Variants in PSPC1 observed in about 807,000 individuals in gnomAD.
PSPC1 encodes the protein paraspeckle component 1, also known as paraspeckle protein 1.
Under a neutral mutation model 51.6 loss-of-function variants are expected in PSPC1, and 14 were observed. The ratio of observed to expected loss-of-function variants is 0.27; its 90% CI spans 0.18 to 0.42. PSPC1 has a LOEUF of 0.42. Ranked by LOEUF, PSPC1 falls within the 10% of genes least tolerant of loss-of-function variation. PSPC1 has a pLI of 1.00. For synonymous variants in PSPC1, 193 were observed against 231.9 expected (o/e 0.83, Z 1.53); for missense variants, 406 against 701.1 (o/e 0.58, Z 4.75).
Position 19,782,624 on chromosome 13 carries a change from G to A in PSPC1, c.134C>T (p.Pro45Leu), listed in dbSNP as rs1164825884. The change falls in exon 1 of 9, where the codon CCG (proline) becomes CTG (leucine). Residue 45 changes from proline to leucine, a missense_variant. Around this residue, in one of 5 missense-constraint regions of PSPC1, gnomAD observed 128 missense variants for 107.1 expected, o/e 1.20. Coordinates refer to ENST00000338910, the MANE Select transcript of PSPC1 (RefSeq NM_001354909.2). The surrounding 1 kb of genome is among the most constrained non-coding windows in gnomAD (Gnocchi z 4.5). ...AAMALALAGE[P>L]APPAPAPPED... ...TGGAGGCGCGGGCGCGGGCGGTGCC[G>A]GCTCCCCGGCAAGAGCGAGCGCCAT... 17 of 1,574,802 alleles carry A rather than the reference G, an allele frequency of 1.1e-5. No homozygotes were observed. The highest frequency in any genetic ancestry group is 1.9e-5 in the Admixed American group (1 of 53,780).
chr13:19,754,348 A>T (rs1886861548), intron 3 of PSPC1, among the ~76,000 whole-genome samples: 1 of 151,758 alleles, frequency 6.6e-6, no homozygotes, highest in Non-Finnish European at 1.5e-5. Context: ...GGCCTCCCAA[A>T]GTGCAGGGAT....
At chr13:19,715,581 T>G (rs1460036758) in intron 6 of PSPC1, among the ~76,000 whole-genome samples, 1 of 152,160 alleles carries the variant, frequency 6.6e-6, no homozygotes, top group African/African-American at 2.4e-5. Flanking sequence ...AGGCAAAACT[T>G]TCACGCACAA....
intron 6 of PSPC1, among the ~76,000 whole-genome samples, chr13:19,714,635 T>C (rs1221171435): frequency 2.0e-5 from 3 of 151,472 alleles, no homozygotes; most frequent in Non-Finnish European, 2.9e-5. Context: ...GCTGGAACTA[T>C]AGGCAGATAC....
intron 6 of PSPC1, among the ~76,000 whole-genome samples, chr13:19,713,888 A>G (rs980488705): frequency 2.6e-5 from 4 of 152,228 alleles, no homozygotes; most frequent in African/African-American, 9.7e-5. Context: ...AGTTAGTTAT[A>G]GTACTATCAT....
At chr13:19,719,493 G>A (rs1226540054) in intron 6 of PSPC1, among the ~76,000 whole-genome samples, 1 of 152,074 alleles carries the variant, frequency 6.6e-6, no homozygotes, top group Admixed American at 6.5e-5. Context: ...TATACTGCAA[G>A]GTTTAGTCAC....
At chr13:19,700,623 G>A (rs1879786196), downstream of PSPC1, among the ~76,000 whole-genome samples, 1 of 151,906 alleles carries the variant, frequency 6.6e-6, no homozygotes, top group Non-Finnish European at 1.5e-5. Flanking sequence ...AAAACTATTA[G>A]GAAAACAGGT....
Position 19,734,281 on chromosome 13 carries a change from A to G in PSPC1, c.1053-3937T>C, listed in dbSNP as rs975261479. On this transcript the variant is annotated intron_variant, in intron 5 of 8. Transcript: ENST00000338910. ...AACTAGTAATTATGACAAATTTTAA[A>G]CCTTCACGTTACATTTAATTGAAAA... is the stretch of plus-strand genomic sequence containing the variant. Among the ~76,000 whole-genome samples the G allele has an allele frequency of 3.9e-5, 6 of 152,166 alleles. No homozygotes were observed. In the South Asian group the frequency reaches 1.0e-3, roughly 26 times the overall value.
chr13:19,751,377 C>T lies in PSPC1; in HGVS notation c.861G>A (p.Lys287=), dbSNP rs201202987. The part of the protein sequence containing the change: ...SRWKALDEME[K]QQREQVDRNI... ...TTCTATCAACCTGCTCACGCTGCTG[C>T]TTTTCCATTTCATCAAGAGCCTTCC... The change falls in exon 4 of 9, where the codon AAG becomes AAA. Residue 287 remains lysine (K), a synonymous_variant. Transcript: ENST00000338910. The T allele has an allele frequency of 5.7e-4, 905 of 1,593,656 alleles. 1 individual carries two copies. Among genetic ancestry groups the T allele is most frequent in the Admixed American group, 1.3e-3 (73 of 54,920 alleles).
chr13:19,747,321 G>T (rs557329411), intron 4 of PSPC1, among the ~76,000 whole-genome samples: 1 of 152,108 alleles, frequency 6.6e-6, no homozygotes, highest in Admixed American at 6.6e-5. Context: ...AGTAAAAAAG[G>T]TACAGAAAAG....
chr13:19,733,417 G>A (rs573886702), intron 5 of PSPC1, among the ~76,000 whole-genome samples: 11 of 152,204 alleles, frequency 7.2e-5, no homozygotes, highest in Non-Finnish European at 8.8e-5. Context: ...AGGCAGAAGC[G>A]AAGGTGGGAG....
intron 5 of PSPC1, among the ~76,000 whole-genome samples, chr13:19,732,440 C>T (rs1350418488): frequency 1.3e-5 from 2 of 152,112 alleles, no homozygotes; most frequent in African/African-American, 4.8e-5. Flanking sequence ...TAAAAAGAGT[C>T]AATATACTAA....
intron 1 of PSPC1, among the ~76,000 whole-genome samples, chr13:19,775,644 C>A (rs1323745729): frequency 6.6e-6 from 1 of 152,088 alleles, no homozygotes; most frequent in Non-Finnish European, 1.5e-5. Context: ...TCACTAGTAA[C>A]AGTAGTAGCA....
At chr13:19,762,060 T>C (rs1887646607) in intron 2 of PSPC1, among the ~76,000 whole-genome samples, 3 of 152,228 alleles carry the variant, frequency 2.0e-5, no homozygotes, top group East Asian at 1.9e-4. Flanking sequence ...CTCTCAAATA[T>C]GTTAGAGATT....
intron 1 of PSPC1, among the ~76,000 whole-genome samples, chr13:19,774,384 A>C (rs1172415957): frequency 6.6e-6 from 1 of 152,234 alleles, no homozygotes; most frequent in Non-Finnish European, 1.5e-5. Context: ...TGACAGCTTG[A>C]AATTATTGCC....
intron 5 of PSPC1, among the ~76,000 whole-genome samples, chr13:19,733,744 CAG>C (rs1884419294): frequency 6.9e-6 from 1 of 145,572 alleles, no homozygotes; most frequent in African/African-American, 2.5e-5. Context: ...GCCTGGGTGA[CAG>C]AGCAAGGCTC....
At chr13:19,720,939 A>C (rs571463474) in intron 6 of PSPC1, among the ~76,000 whole-genome samples, 1 of 152,296 alleles carries the variant, frequency 6.6e-6, no homozygotes, top group South Asian at 2.1e-4. Context: ...AATTATAATA[A>C]TTACCAATCT....
At position 19,782,781 on chromosome 13, in the gene PSPC1, C is replaced by T; in HGVS notation, c.-24G>A. On this transcript the variant is annotated 5_prime_UTR_variant, in exon 1 of 9. Coordinates refer to ENST00000338910, the MANE Select transcript of PSPC1 (RefSeq NM_001354909.2). This position sits in a 1 kb window ranked among gnomAD's most constrained non-coding sequence, Gnocchi z 4.5. The stretch of plus-strand genomic sequence containing the variant: ...ATCTTACTGAGTTCGCCTCGGACAC[C>T]GGATACAGGCCTAGATTTATAGACA... 5 of 1,517,200 alleles carry T rather than the reference C, an allele frequency of 3.3e-6. No individual in the cohort carries two copies. Among genetic ancestry groups the T allele is most frequent in the Non-Finnish European group, 3.5e-6 (4 of 1,149,960 alleles). 94.0% of individuals were successfully genotyped at this position (1,517,200 alleles called of 1,614,324 possible).
intron 6 of PSPC1, among the ~76,000 whole-genome samples, chr13:19,693,197 AG>A (rs1878774849): frequency 6.6e-6 from 1 of 152,130 alleles, no homozygotes; most frequent in South Asian, 2.1e-4. Context: ...TCGTGCAAAA[AG>A]CCTACAACTA....
rs200511924 is a variant in PSPC1, at chr13:19,741,583, C to T, written c.1034G>A (p.Arg345Gln). The T allele has an allele frequency of 3.8e-6, 6 of 1,597,230 alleles. No individual in the cohort carries two copies. The highest frequency in any genetic ancestry group is 4.3e-6 in the Non-Finnish European group (5 of 1,167,904). ...CTTTTACCTTAGTTGTATTTGCTTCCGTTTTTGCAACTCTTGGTTTCTGAG... is the reference window on the plus strand; with the variant it reads ...CTTTTACCTTAGTTGTATTTGCTTCTGTTTTTGCAACTCTTGGTTTCTGAG... Reference protein sequence around the residue: ...EELRNQELQKRKQIQLRHEEE... With the variant: ...EELRNQELQKQKQIQLRHEEE... Residue 345 changes from arginine (R) to glutamine (Q), a missense_variant, in exon 5 of 9, where the codon CGG (arginine) becomes CAG (glutamine). Arg to Gln is a conservative substitution (Grantham distance 43, BLOSUM62 1). This residue lies in a region of PSPC1 where 180 missense variants were observed against 337.9 expected (regional missense o/e 0.53). Transcript: ENST00000338910.
Sources: allele counts gnomAD v4.1 joint callset (sites outside exome capture counted in the v4.1 genomes callset), GRCh38; gene constraint gnomAD v4.1.1; regional missense constraint gnomAD v4.1.1; non-coding constraint Gnocchi (gnomAD v3.1); transcripts MANE v1.5; gene names NCBI Gene and HGNC (gene_info 2026-07-23, HGNC 2026-07-21).